The following SCP2 variants were observed in gnomAD, a reference collection of about 807,000 sequenced individuals.
The protein encoded by SCP2 is sterol carrier protein 2.
SCP2 carries 48 observed loss-of-function variants against 71.4 expected under a neutral mutation model. The observed-to-expected ratio is 0.67, with a 90% CI of 0.53 to 0.86. SCP2 has a LOEUF of 0.86. Ranked by LOEUF, SCP2 falls within the 40% of genes least tolerant of loss-of-function variation. The probability of loss-of-function intolerance (pLI) is 0.00; values close to 1 mark genes in which losing one functional copy is unlikely to be tolerated. For missense variants in SCP2, 560 were observed against 655.6 expected (o/e 0.85, Z 1.59); for synonymous variants, 220 against 218.1 (o/e 1.01, Z -0.08).
rs75677357 is a variant in SCP2 at position 53,031,299 on chromosome 1, A to G, written c.1338+3228A>G. ...TTTGCAAATGTATGCCTCTTGCTCC[A>G]TTTTAATTCTTTTCTCTATAACCTC... On this transcript the variant is annotated intron_variant, in intron 13 of 15. Coordinates refer to ENST00000371514, the MANE Select transcript of SCP2 (RefSeq NM_002979.5). Among the ~76,000 whole-genome samples, 367 of 152,240 alleles carry G rather than the reference A, an allele frequency of 2.4e-3. 1 individual carries two copies. Among genetic ancestry groups the G allele is most frequent in the African/African-American group, 8.5e-3 (353 of 41,544 alleles).
intron 11 of SCP2, among the ~76,000 whole-genome samples, chr1:53,010,311 A>G (rs1014372171): frequency 2.0e-5 from 3 of 152,240 alleles, no homozygotes; most frequent in African/African-American, 7.2e-5. Flanking sequence ...TCATGCTGCT[A>G]TAAAGACACA....
At chr1:52,943,529 G>T (rs1654480275) in intron 2 of SCP2, 1 of 240,320 alleles carries the variant, frequency 4.2e-6, no homozygotes. Flanking sequence ...GCCCATAGTG[G>T]GTTCTTAAGC....
intron 3 of SCP2, among the ~76,000 whole-genome samples, chr1:52,950,338 T>C (rs1312344591): frequency 6.6e-6 from 1 of 152,168 alleles, no homozygotes; most frequent in Non-Finnish European, 1.5e-5. Context: ...GCCAGGATGG[T>C]TTCGACCTCC....
At chr1:53,047,669 A>G (rs1362796432) in intron 14 of SCP2, among the ~76,000 whole-genome samples, 189 bp from the exon 15 acceptor site, 1 of 152,204 alleles carries the variant, frequency 6.6e-6, no homozygotes, top group Non-Finnish European at 1.5e-5. Flanking sequence ...GTCTTGTTAA[A>G]TATCAGGATT....
intron 11 of SCP2, chr1:52,993,114 G>C: frequency 1.4e-6 from 2 of 1,451,322 alleles, no homozygotes; most frequent in Non-Finnish European, 1.9e-6. Flanking sequence ...AGGCTAGAAA[G>C]GTACCAACAA....
At chr1:52,927,926 C>G (rs1187778942) in intron 1 of SCP2, among the ~76,000 whole-genome samples, 1 of 152,204 alleles carries the variant, frequency 6.6e-6, no homozygotes, top group African/African-American at 2.4e-5. Context: ...CTCCCTCTGT[C>G]CCTCCAGTGA....
intron 11 of SCP2, among the ~76,000 whole-genome samples, chr1:53,013,168 TGCA>T (rs1661093436): frequency 6.9e-6 from 1 of 144,082 alleles, no homozygotes; most frequent in Non-Finnish European, 1.5e-5. Flanking sequence ...CCTGCTGGAG[TGCA>T]GTGGCATGAT....
intron 11 of SCP2, among the ~76,000 whole-genome samples, chr1:53,008,544 A>G (rs1660779414): frequency 6.6e-6 from 1 of 152,210 alleles, no homozygotes; most frequent in Non-Finnish European, 1.5e-5. Flanking sequence ...GATTATCTCA[A>G]TAGATGCAGA....
intron 10 of SCP2, among the ~76,000 whole-genome samples, chr1:52,986,608 G>T (rs547640926): frequency 1.1e-4 from 16 of 152,308 alleles, no homozygotes; most frequent in Non-Finnish European, 2.2e-4. Context: ...AGGCTGTGGA[G>T]CCAGGCTCCC....
At chr1:53,037,974 CACACACACACACACAT>C (rs1262570907) in intron 13 of SCP2, among the ~76,000 whole-genome samples, 11 of 138,488 alleles carry the variant, frequency 7.9e-5, no homozygotes, top group African/African-American at 3.2e-4. Flanking sequence ...CACACACACA[CACACACACACACACAT>C]TCAATTAACC....
At chr1:52,934,344 GTAATAT>G (rs1453510269) in intron 1 of SCP2, among the ~76,000 whole-genome samples, 5 of 151,612 alleles carry the variant, frequency 3.3e-5, no homozygotes, top group African/African-American at 1.2e-4. Context: ...AACGGGACAG[GTAATAT>G]TAACAAAGGT....
chr1:53,026,915 C>T (rs921006994), intron 12 of SCP2, among the ~76,000 whole-genome samples: 2 of 150,282 alleles, frequency 1.3e-5, no homozygotes, highest in African/African-American at 4.9e-5. Flanking sequence ...TAGAAAAAGA[C>T]AGATGCTTAT....
At chr1:52,998,753 C>T (rs1023646275) in intron 11 of SCP2, among the ~76,000 whole-genome samples, 5 of 152,152 alleles carry the variant, frequency 3.3e-5, no homozygotes, top group East Asian at 3.9e-4. Flanking sequence ...AGATTGTTAT[C>T]GGCGTATATT....
At chr1:53,021,787 G>A (rs926336287) in intron 12 of SCP2, among the ~76,000 whole-genome samples, 23 of 151,742 alleles carry the variant, frequency 1.5e-4, no homozygotes, top group African/African-American at 5.6e-4. Context: ...TGGGACTACA[G>A]TCATAGGCCA....
At position 53,037,904 on chromosome 1, in the gene SCP2, A is replaced by ACACACACC. The variant is rs1553155266; in HGVS notation, c.1339-1006_1339-1005insCCACACAC. ...TACACACACACACACACACACACAC[A>ACACACACC]CACACACACACACACACACACACAC... On this transcript the variant is annotated intron_variant, in intron 13 of 15. Coordinates refer to ENST00000371514, the MANE Select transcript of SCP2 (RefSeq NM_002979.5). 8.6e-4 allele frequency among the ~76,000 whole-genome samples: 110 copies of ACACACACC among 127,428 alleles called. 1 individual carries two copies. Among genetic ancestry groups the ACACACACC allele is most frequent in the African/African-American group, 3.4e-3 (104 of 30,308 alleles). The allele number at this position is 127,428 out of a possible 152,430, so 83.6% of individuals were successfully genotyped here.
chr1:52,945,065 C>T (rs997311519), intron 2 of SCP2, among the ~76,000 whole-genome samples: 13 of 152,026 alleles, frequency 8.6e-5, no homozygotes, highest in African/African-American at 2.7e-4. Flanking sequence ...TAATTATATA[C>T]TAATGAAAAC....
intron 5 of SCP2, among the ~76,000 whole-genome samples, chr1:52,955,099 T>C (rs1655677462): frequency 6.6e-6 from 1 of 152,228 alleles, no homozygotes; most frequent in Admixed American, 6.5e-5. Flanking sequence ...AGAGAGTTAA[T>C]AAAATGTGGG....
At chr1:53,045,563 A>C (rs2150274338) in intron 14 of SCP2, among the ~76,000 whole-genome samples, 1 of 152,302 alleles carries the variant, frequency 6.6e-6, no homozygotes, top group South Asian at 2.1e-4. Flanking sequence ...ACACGCACCC[A>C]GGGCTAGGTG....
chr1:52,956,902 C>CTT (rs370787153), intron 5 of SCP2, among the ~76,000 whole-genome samples: 1,154 of 105,844 alleles, frequency 0.011, 12 homozygotes, highest in African/African-American at 0.019. Context: ...CTCCTTCTGC[C>CTT]TTTTTTTTTT....
Sources: allele counts gnomAD v4.1 joint callset (sites outside exome capture counted in the v4.1 genomes callset), GRCh38; gene constraint gnomAD v4.1.1; transcripts MANE v1.5; gene names NCBI Gene and HGNC (gene_info 2026-07-23, HGNC 2026-07-21).